Variants in PCDHGA9 observed in about 807,000 individuals in gnomAD.
The protein encoded by PCDHGA9 is protocadherin gamma subfamily A, 9, also known as protocadherin gamma-A9.
Under a neutral mutation model 62.5 loss-of-function variants are expected in PCDHGA9, and 37 were observed. The ratio of observed to expected loss-of-function variants is 0.59; its 90% CI spans 0.46 to 0.78. PCDHGA9 has a LOEUF of 0.78. PCDHGA9 is among the 30% of genes least tolerant of loss of function. PCDHGA9 has a pLI of 0.00. For synonymous variants in PCDHGA9, 459 were observed against 484.6 expected (o/e 0.95, Z 0.69); for missense variants, 1,138 against 1,166.2 (o/e 0.98, Z 0.35).
intron 1 of PCDHGA9, among the ~76,000 whole-genome samples, chr5:141,461,739 C>T (rs1048636018): frequency 3.9e-5 from 6 of 152,134 alleles, no homozygotes; most frequent in Non-Finnish European, 7.4e-5. Context: ...GGCACAATCC[C>T]GGCTCCCAGA....
intron 1 of PCDHGA9, chr5:141,433,225 G>A: frequency 6.6e-7 from 1 of 1,517,048 alleles, no homozygotes; most frequent in Non-Finnish European, 9.0e-7. Flanking sequence ...TTTTTTAATT[G>A]CTCTGTCTCC....
Position 141,489,826 on chromosome 5 carries a change from C to G in PCDHGA9, c.2425-4981C>G. On this transcript the variant is annotated intron_variant, in intron 1 of 3. Transcript: ENST00000573521. This position sits in a 1 kb window ranked among gnomAD's most constrained non-coding sequence, Gnocchi z 4.5. The stretch of plus-strand genomic sequence containing the variant: ...TGGGAAGCCATTCCCAGAGCTGGTG[C>G]TAGAGCAGCAGCTGGATCGTGAAGC... 1 of 1,614,186 alleles carries G rather than the reference C, an allele frequency of 6.2e-7. No homozygotes were observed. The highest frequency in any genetic ancestry group is 8.5e-7 in the Non-Finnish European group (1 of 1,179,988).
chr5:141,505,494 A>G lies in PCDHGA9; in HGVS notation c.2572+13A>G. ...GCGTCCGCCAGTGGTAAGTGGTGTC[A>G]GTGTGTGTATGGAAGAGTGGGAGAC... is the stretch of plus-strand genomic sequence containing the variant. On this transcript the variant is annotated intron_variant, in intron 3 of 3. Transcript: ENST00000573521. The G allele has an allele frequency of 6.8e-6, 11 of 1,614,198 alleles. No homozygotes were observed. Among genetic ancestry groups the G allele is most frequent in the Non-Finnish European group, 9.3e-6 (11 of 1,180,006 alleles).
At position 141,491,971 on chromosome 5, in the gene PCDHGA9, T is replaced by C. The variant is rs62379205; in HGVS notation, c.2425-2836T>C. ...CCTACACTCAAAAAAGGCCGGGGCC[T>C]CCTTCGAGCTTCCGGTGAATTTCGG... is the stretch of plus-strand genomic sequence containing the variant. On this transcript the variant is annotated intron_variant, in intron 1 of 3. Coordinates refer to ENST00000573521, the MANE Select transcript of PCDHGA9 (RefSeq NM_018921.3). This position sits in a 1 kb window ranked among gnomAD's most constrained non-coding sequence, Gnocchi z 6.9. The C allele has an allele frequency of 0.2, 165,735 of 830,872 alleles. 17,637 individuals are homozygous for C. Among genetic ancestry groups the C allele is most frequent in the Admixed American group, 0.32 (8,466 of 26,688 alleles). 51.5% of individuals were successfully genotyped at this position (830,872 alleles called of 1,614,324 possible).
chr5:141,443,309 C>T (rs2098379780), intron 1 of PCDHGA9, among the ~76,000 whole-genome samples: 1 of 131,436 alleles, frequency 7.6e-6, no homozygotes, highest in African/African-American at 3.4e-5. Flanking sequence ...GGCAAAAACC[C>T]ATCTCTACAA....
At chr5:141,474,345 G>A (rs541613646) in intron 1 of PCDHGA9, among the ~76,000 whole-genome samples, 7 of 152,124 alleles carry the variant, frequency 4.6e-5, no homozygotes, top group African/African-American at 7.2e-5. Flanking sequence ...TTGTTAAAAT[G>A]TAAGTCATGT....
Position 141,476,570 on chromosome 5 carries a change from A to G in PCDHGA9, c.2425-18237A>G. ...GATTAGCGAGGCCGTGGCTCCGGGG[A>G]CGCGCTTTCCGCTCGAGAGCGCGCA... On this transcript the variant is annotated intron_variant, in intron 1 of 3. Transcript: ENST00000573521. The surrounding 1 kb of genome is among the most constrained non-coding windows in gnomAD (Gnocchi z 7.6). 3 of 1,614,114 alleles carry G rather than the reference A, an allele frequency of 1.9e-6. No individual in the cohort carries two copies. The highest frequency in any genetic ancestry group is 2.5e-6 in the Non-Finnish European group (3 of 1,180,012).
At position 141,414,606 on chromosome 5, in the gene PCDHGA9, A is replaced by G. The variant is rs760846889; in HGVS notation, c.2424+9230A>G. ...ACGCCAGGGGTGCCTCCATCTTCTCAGTGACAGCGCTGGACCCGGACAGCA... is the reference window on the plus strand; with the variant it reads ...ACGCCAGGGGTGCCTCCATCTTCTCGGTGACAGCGCTGGACCCGGACAGCA... On this transcript the variant is annotated intron_variant, in intron 1 of 3. Coordinates refer to ENST00000573521, the MANE Select transcript of PCDHGA9 (RefSeq NM_018921.3). The G allele has an allele frequency of 1.6e-5, 26 of 1,613,826 alleles. No homozygotes were observed. In the East Asian group the frequency reaches 5.6e-4, roughly 35 times the overall value.
Position 141,491,000 on chromosome 5 carries a change from C to T in PCDHGA9, c.2425-3807C>T. 6.2e-7 allele frequency: 1 copy of T among 1,614,142 alleles called. No homozygotes were observed. The highest frequency in any genetic ancestry group is 1.1e-5 in the South Asian group (1 of 91,086). On this transcript the variant is annotated intron_variant, in intron 1 of 3. Transcript: ENST00000573521. The surrounding 1 kb of genome is among the most constrained non-coding windows in gnomAD (Gnocchi z 5.4). ...CTCCCTCGCTCTGCTCCTCCTGGCTCCTTGGTCACCAAGGTGACAGCCGTG... is the reference window on the plus strand; with the variant it reads ...CTCCCTCGCTCTGCTCCTCCTGGCTTCTTGGTCACCAAGGTGACAGCCGTG...
intron 1 of PCDHGA9, chr5:141,421,214 G>T (rs1469085534): frequency 5.1e-6 from 8 of 1,561,612 alleles, no homozygotes; most frequent in Non-Finnish European, 6.9e-6. Flanking sequence ...CGGAATATCG[G>T]CTTAGAGCCT....
At position 141,478,876 on chromosome 5, in the gene PCDHGA9, C is replaced by A. The variant is rs2099482470; in HGVS notation, c.2425-15931C>A. 30 of 1,265,748 alleles carry A rather than the reference C, an allele frequency of 2.4e-5. No individual in the cohort carries two copies. The South Asian group carries it at 4.7e-4, about 20-fold the overall frequency. 78.4% of individuals were successfully genotyped at this position (1,265,748 alleles called of 1,614,324 possible). On this transcript the variant is annotated intron_variant, in intron 1 of 3. Transcript: ENST00000573521. ...CAAGATCTCAGCGATCAGAGTTTAGCTTGGTATCATTTACATTAGGAATAA... is the reference window on the plus strand; with the variant it reads ...CAAGATCTCAGCGATCAGAGTTTAGATTGGTATCATTTACATTAGGAATAA...
Position 141,505,424 on chromosome 5 carries a change from C to T in PCDHGA9, c.2515C>T (p.Pro839Ser), listed in dbSNP as rs1422538114. The T allele has an allele frequency of 1.2e-6, 2 of 1,614,200 alleles. No individual in the cohort carries two copies. Among genetic ancestry groups the T allele is most frequent in the Non-Finnish European group, 1.7e-6 (2 of 1,180,028 alleles). Residue 839 changes from proline (P) to serine (S), a missense_variant, in exon 3 of 4, where the codon CCC (proline) becomes TCC (serine). Pro to Ser is a moderately conservative substitution (Grantham distance 74). Transcript: ENST00000573521. ...AAATGGCGATGACACCGGCACCTGG[C>T]CCAACAACCAGTTTGACACAGAGAT... is the stretch of plus-strand genomic sequence containing the variant. ...SQNGDDTGTW[P>S]NNQFDTEMLQ...
At chr5:141,506,462 AAAAG>A (rs1396142744) in intron 3 of PCDHGA9, among the ~76,000 whole-genome samples, 1 of 151,856 alleles carries the variant, frequency 6.6e-6, no homozygotes, top group African/African-American at 2.4e-5. Flanking sequence ...AAAAAAAAAA[AAAAG>A]AGCACAGGCT....
At chr5:141,410,715 GTT>G (rs2154543204) in intron 1 of PCDHGA9, 19 of 1,422,782 alleles carry the variant, frequency 1.3e-5, no homozygotes, top group Non-Finnish European at 1.8e-5. Context: ...AGAATCATAT[GTT>G]TAAAATCCAT....
At chr5:141,421,355 G>A in intron 1 of PCDHGA9, 1 of 1,613,990 alleles carries the variant, frequency 6.2e-7, no homozygotes, top group East Asian at 2.2e-5. Flanking sequence ...ACCGAAAAGG[G>A]CTCCTTCGTG....
rs751034521 is a variant in PCDHGA9, at chr5:141,405,112, C to A, written c.2160C>A (p.His720Gln). ...TGGCCCTCAGGCTGAGGCACTGGCA[C>A]TCCTCGCATCTGCTGCGGGCTACCA... ...TLLALRLRHW[H>Q]SSHLLRATSD... is the part of the protein sequence containing the mutation. The change falls in exon 1 of 4, where the codon CAC (histidine) becomes CAA (glutamine). Residue 720 changes from histidine to glutamine, a missense_variant. His to Gln is a conservative substitution (Grantham distance 24). Coordinates refer to ENST00000573521, the MANE Select transcript of PCDHGA9 (RefSeq NM_018921.3). 4.5e-5 allele frequency: 73 copies of A among 1,613,868 alleles called. 1 individual carries two copies. The Middle Eastern group carries it at 5.9e-3, about 131-fold the overall frequency.
At chr5:141,510,828 C>T in intron 3 of PCDHGA9, 119 bp from the exon 4 acceptor site, 18 of 1,572,154 alleles carry the variant, frequency 1.1e-5, no homozygotes, top group Non-Finnish European at 1.6e-5. Context: ...ATTCCCAGTG[C>T]TCAGCGTGGT....
At chr5:141,408,738 C>A in intron 1 of PCDHGA9, 1 of 1,609,632 alleles carries the variant, frequency 6.2e-7, no homozygotes, top group Non-Finnish European at 8.5e-7. Flanking sequence ...CCTTATTTTT[C>A]ATTAATGGTT....
chr5:141,492,037 C>A (rs556842734), intron 1 of PCDHGA9: 94 of 538,798 alleles, frequency 1.7e-4, no homozygotes, highest in Non-Finnish European at 2.5e-4. Flanking sequence ...AGGAGGCAGT[C>A]ACAGATCCAC....
Sources: gnomAD v4.1 joint callset for allele counts (sites outside exome capture counted in the v4.1 genomes callset) on GRCh38, gnomAD v4.1.1 for gene constraint, Gnocchi (gnomAD v3.1) non-coding constraint, MANE v1.5 for transcripts, NCBI Gene and HGNC (gene_info 2026-07-23, HGNC 2026-07-21) for gene names.